CCNY: variants seen among roughly 807,000 people sequenced by gnomAD.
CCNY encodes cyclin-Y.
Under a neutral mutation model 42.8 loss-of-function variants are expected in CCNY, and 19 were observed. The observed-to-expected ratio is 0.44, with a 90% CI of 0.31 to 0.65. The LOEUF is 0.65. Among genes scored for constraint, CCNY ranks in the 30% least tolerant of loss-of-function variants. The probability of loss-of-function intolerance (pLI) is 0.07; values close to 1 mark genes in which losing one functional copy is unlikely to be tolerated. For missense variants in CCNY, 370 were observed against 437.3 expected, an observed-to-expected ratio of 0.85 and a Z score of 1.37; for synonymous variants, 165 against 162.7, an observed-to-expected ratio of 1.01 and a Z score of -0.11.
chr10:35,476,235 A>T (rs1589145723), intron 1 of CCNY, among the ~76,000 whole-genome samples: 1 of 152,196 alleles, frequency 6.6e-6, no homozygotes, highest in Non-Finnish European at 1.5e-5. Flanking sequence ...CGAGACAGAA[A>T]GTCAATAAGG....
At chr10:35,539,743 C>A (rs532569255) in intron 7 of CCNY, among the ~76,000 whole-genome samples, 1 of 152,108 alleles carries the variant, frequency 6.6e-6, no homozygotes, top group East Asian at 1.9e-4. Context: ...GCCAAGATTG[C>A]GCCACTGCAC....
chr10:35,389,907 T>A (rs1837378268), intron 1 of CCNY, among the ~76,000 whole-genome samples: 1 of 152,232 alleles, frequency 6.6e-6, no homozygotes, highest in African/African-American at 2.4e-5. Flanking sequence ...ATATTGGTCA[T>A]GAGCATAGAA....
chr10:35,264,197 A>ATTTGG, intron 3 of CCNY, among the ~76,000 whole-genome samples: 1 of 152,202 alleles, frequency 6.6e-6, no homozygotes, highest in African/African-American at 2.4e-5. Flanking sequence ...GTATATACCC[A>ATTTGG]GTGATGGGAT....
intron 1 of CCNY, among the ~76,000 whole-genome samples, chr10:35,454,800 T>C (rs1015156946): frequency 6.6e-6 from 1 of 152,148 alleles, no homozygotes; most frequent in Non-Finnish European, 1.5e-5. Context: ...TCTGCCAGGG[T>C]AAGAGGAAGG....
chr10:35,524,572 G>C (rs1840611882), intron 4 of CCNY, among the ~76,000 whole-genome samples: 1 of 152,200 alleles, frequency 6.6e-6, no homozygotes, highest in African/African-American at 2.4e-5. Context: ...GAGAGGATCA[G>C]AACACCGTCT....
chr10:35,454,293 T>C (rs1361217503), intron 1 of CCNY, among the ~76,000 whole-genome samples: 1 of 152,214 alleles, frequency 6.6e-6, no homozygotes, highest in East Asian at 1.9e-4. Context: ...TTTCAGCTTC[T>C]GTTGTCCTGG....
intron 1 of CCNY, among the ~76,000 whole-genome samples, chr10:35,438,752 C>G (rs1449584975): frequency 6.6e-6 from 1 of 152,196 alleles, no homozygotes; most frequent in African/African-American, 2.4e-5. Context: ...TTTGTTTTTA[C>G]ACACCCTCTT....
At chr10:35,367,064 G>T (rs967117380) in intron 1 of CCNY, among the ~76,000 whole-genome samples, 6 of 152,198 alleles carry the variant, frequency 3.9e-5, no homozygotes, top group African/African-American at 1.4e-4. Context: ...TTGACTTGGT[G>T]TGGAAATGAT....
At chr10:35,480,095 G>A (rs373687360) in intron 1 of CCNY, among the ~76,000 whole-genome samples, 6 of 151,966 alleles carry the variant, frequency 3.9e-5, no homozygotes, top group African/African-American at 4.8e-5. Flanking sequence ...CACCTCATCC[G>A]TGAATTTCAC....
intron 1 of CCNY, among the ~76,000 whole-genome samples, chr10:35,419,800 T>C (rs1005885976): frequency 6.6e-6 from 1 of 152,196 alleles, no homozygotes; most frequent in African/African-American, 2.4e-5. Context: ...TATAATACTT[T>C]AGGTTTTGAT....
intron 1 of CCNY, among the ~76,000 whole-genome samples, chr10:35,352,376 G>A (rs1836447868): frequency 6.6e-6 from 1 of 152,222 alleles, no homozygotes; most frequent in Admixed American, 6.5e-5. Flanking sequence ...CCACAGAGAA[G>A]ATGTTGGAGA....
intron 2 of CCNY, among the ~76,000 whole-genome samples, chr10:35,250,022 G>A (rs2095710722): frequency 6.6e-6 from 1 of 151,966 alleles, no homozygotes; most frequent in Admixed American, 6.6e-5. Flanking sequence ...GTGAAACCCC[G>A]TCTCTACTAA....
intron 1 of CCNY, among the ~76,000 whole-genome samples, chr10:35,427,468 C>T (rs2135273120): frequency 6.6e-6 from 1 of 152,330 alleles, no homozygotes; most frequent in East Asian, 1.9e-4. Flanking sequence ...GGCTTGTGAC[C>T]TTGGGCACTT....
Position 35,252,482 on chromosome 10 carries a change from C to T in CCNY, c.-9+1856C>T, listed in dbSNP as rs574904207. ...TCGGGAGGCTGAGGCAGGAGAATGG[C>T]GTGAACCTGGGAAGCGGAGCTTGCA... On this transcript the variant is annotated intron_variant, in intron 3 of 11. Transcript: ENST00000374706. 4.8e-4 allele frequency among the ~76,000 whole-genome samples: 69 copies of T among 144,548 alleles called. No individual in the cohort carries two copies. In the Middle Eastern group the frequency reaches 0.011, roughly 23 times the overall value. 94.8% of individuals were successfully genotyped at this position (144,548 alleles called of 152,430 possible). A position where few individuals can be genotyped will look rare whatever the true frequency, so the allele number is the denominator to read the frequency against.
intron 1 of CCNY, among the ~76,000 whole-genome samples, chr10:35,465,413 C>T (rs913565919): frequency 1.3e-5 from 2 of 152,190 alleles, no homozygotes; most frequent in African/African-American, 4.8e-5. Flanking sequence ...TCTCCTTTCT[C>T]TGAATTTAAA....
At chr10:35,494,104 C>T (rs1564433640) in intron 2 of CCNY, among the ~76,000 whole-genome samples, 1 of 151,870 alleles carries the variant, frequency 6.6e-6, no homozygotes, top group Non-Finnish European at 1.5e-5. Context: ...GATCGTGGAC[C>T]CCCACATCTT....
chr10:35,462,548 G>A (rs915003991), intron 1 of CCNY, among the ~76,000 whole-genome samples: 1 of 152,208 alleles, frequency 6.6e-6, no homozygotes, highest in Non-Finnish European at 1.5e-5. Flanking sequence ...GAACCTAACA[G>A]GAAGCGATTG....
chr10:35,317,436 C>T (rs1315690966), intron 3 of CCNY, among the ~76,000 whole-genome samples: 1 of 152,232 alleles, frequency 6.6e-6, no homozygotes, highest in Non-Finnish European at 1.5e-5. Flanking sequence ...CTTTTCTACT[C>T]CAGGGTCCTT....
chr10:35,431,115 C>CAA (rs112378512), intron 1 of CCNY, among the ~76,000 whole-genome samples: 5 of 107,684 alleles, frequency 4.6e-5, no homozygotes, highest in African/African-American at 1.3e-4. Context: ...GACTCCATCT[C>CAA]AAAAAAAAAA....
Sources: allele counts gnomAD v4.1 joint callset (sites outside exome capture counted in the v4.1 genomes callset), GRCh38; gene constraint gnomAD v4.1.1; transcripts MANE v1.5; gene names NCBI Gene and HGNC (gene_info 2026-07-23, HGNC 2026-07-21).